The following TAFA2 variants were observed in gnomAD, a reference collection of about 807,000 sequenced individuals.
TAFA2 encodes TAFA chemokine like family member 2.
In TAFA2, 7 loss-of-function variants were observed where a neutral mutation model predicts 18.8. The observed-to-expected ratio is 0.37, with a 90% CI of 0.21 to 0.70. The LOEUF is 0.70. TAFA2 is among the 30% of genes least tolerant of loss of function. TAFA2 has a pLI of 0.53. For synonymous variants in TAFA2, 60 were observed against 54.2 expected (o/e 1.11, Z -0.47); for missense variants, 122 against 158.1 (o/e 0.77, Z 1.23).
At chr12:62,169,850 CAA>C (rs11373929) in intron 1 of TAFA2, among the ~76,000 whole-genome samples, 12 of 90,104 alleles carry the variant, frequency 1.3e-4, no homozygotes, top group Middle Eastern at 5.7e-3. Flanking sequence ...GACTCCGTCT[CAA>C]AAAAAAAAAA....
intron 2 of TAFA2, among the ~76,000 whole-genome samples, chr12:61,834,379 A>T (rs1872835509): frequency 6.6e-6 from 1 of 152,046 alleles, no homozygotes; most frequent in South Asian, 2.1e-4. Context: ...CCTTACCTGC[A>T]TATCGGCTCT....
At position 62,178,498 on chromosome 12, in the gene TAFA2, C is replaced by G. The variant is rs78868494; in HGVS notation, c.-2+12761G>C. Reference sequence around the variant, plus strand: ...AGGGTCTGAGAGTTTACCCTATTTGCAAACTCACAAGTTAGTCTACCATAT... The same window carrying G: ...AGGGTCTGAGAGTTTACCCTATTTGGAAACTCACAAGTTAGTCTACCATAT... On this transcript the variant is annotated intron_variant, in intron 1 of 4. Transcript: ENST00000416284. 2.6e-5 allele frequency among the ~76,000 whole-genome samples: 4 copies of G among 152,274 alleles called. No individual in the cohort carries two copies. In the South Asian group the frequency reaches 8.3e-4, roughly 32 times the overall value.
At chr12:62,062,340 G>A (rs3852565) in intron 1 of TAFA2, among the ~76,000 whole-genome samples, 65,499 of 152,024 alleles carry the variant, frequency 0.43, 14,714 homozygotes, top group Middle Eastern at 0.57. Context: ...CTTGCATCTG[G>A]AGGGGAACAC....
intron 1 of TAFA2, among the ~76,000 whole-genome samples, chr12:62,226,145 G>A (rs1392359653): frequency 1.3e-5 from 2 of 150,554 alleles, no homozygotes; most frequent in African/African-American, 4.9e-5. Flanking sequence ...CTTAAATGCT[G>A]TTGTGTTTTA....
intron 2 of TAFA2, among the ~76,000 whole-genome samples, chr12:61,857,753 A>G (rs12306721): frequency 0.054 from 8,238 of 151,676 alleles, 773 homozygotes; most frequent in African/African-American, 0.19. Flanking sequence ...CATAGTCTGA[A>G]GGTTCACCCC....
intron 1 of TAFA2, among the ~76,000 whole-genome samples, chr12:61,897,751 AG>A (rs1875915417): frequency 6.6e-6 from 1 of 152,094 alleles, no homozygotes; most frequent in African/African-American, 2.4e-5. Flanking sequence ...GCCAAACCAT[AG>A]CATACTGCCC....
intron 1 of TAFA2, among the ~76,000 whole-genome samples, chr12:61,895,474 C>A (rs1405565731): frequency 6.6e-6 from 1 of 152,118 alleles, no homozygotes; most frequent in East Asian, 1.9e-4. Flanking sequence ...AATGATACTC[C>A]AGGCTCTTAT....
chr12:62,195,176 C>T (rs938383838), upstream of TAFA2, among the ~76,000 whole-genome samples: 5 of 152,230 alleles, frequency 3.3e-5, no homozygotes, highest in African/African-American at 1.2e-4. Flanking sequence ...TGCAATGCTG[C>T]TTGATAGCAT....
chr12:61,715,482 G>A (rs2120560911), intron 4 of TAFA2, among the ~76,000 whole-genome samples: 1 of 151,930 alleles, frequency 6.6e-6, no homozygotes, highest in Middle Eastern at 3.4e-3. Context: ...CCGAGTAGCT[G>A]GGACCACAGG....
intron 1 of TAFA2, among the ~76,000 whole-genome samples, chr12:62,100,804 G>C (rs1480265656): frequency 6.6e-6 from 1 of 152,156 alleles, no homozygotes; most frequent in Admixed American, 6.5e-5. Flanking sequence ...TGGACTACTA[G>C]GTGAGTGGTA....
chr12:61,775,520 A>C (rs982943632), intron 2 of TAFA2, among the ~76,000 whole-genome samples: 1 of 151,896 alleles, frequency 6.6e-6, no homozygotes, highest in African/African-American at 2.4e-5. Flanking sequence ...AAATGTGTGT[A>C]ACTAAGTGAA....
intron 4 of TAFA2, among the ~76,000 whole-genome samples, chr12:61,716,231 T>G (rs533518229): frequency 4.1e-4 from 62 of 152,198 alleles, no homozygotes; most frequent in African/African-American, 1.4e-3. Context: ...TCTGCACATA[T>G]GTTACTAGTC....
At chr12:62,114,375 G>C (rs1047492744) in intron 1 of TAFA2, among the ~76,000 whole-genome samples, 3 of 152,116 alleles carry the variant, frequency 2.0e-5, no homozygotes, top group Non-Finnish European at 4.4e-5. Context: ...TAGAAATGTA[G>C]AAATCACCTA....
chr12:62,257,316 T>C (rs1464936012), intron 1 of TAFA2, among the ~76,000 whole-genome samples: 1 of 151,948 alleles, frequency 6.6e-6, no homozygotes, highest in African/African-American at 2.4e-5. Flanking sequence ...CTTTGTACTT[T>C]CTTCCATTAA....
intron 4 of TAFA2, among the ~76,000 whole-genome samples, chr12:61,737,867 C>T (rs1407355822): frequency 1.3e-5 from 2 of 151,946 alleles, no homozygotes; most frequent in African/African-American, 4.8e-5. Flanking sequence ...CTATCATTAT[C>T]CTTCACAAAG....
chr12:61,734,716 C>T (rs1375957541), intron 4 of TAFA2, among the ~76,000 whole-genome samples: 1 of 151,894 alleles, frequency 6.6e-6, no homozygotes, highest in East Asian at 1.9e-4. Context: ...ATCCCAGTTC[C>T]ACTGCTTACT....
rs76417915 is a variant in TAFA2, at chr12:61,764,234, A to T, written c.107-9210T>A. ...ATTTTAGATTAGATGATTGATTGAT[A>T]GATAGATAGATAGATAGATAGATAG... On this transcript the variant is annotated intron_variant, in intron 2 of 4. Coordinates refer to ENST00000416284, the MANE Select transcript of TAFA2 (RefSeq NM_178539.5). 4.0e-4 allele frequency among the ~76,000 whole-genome samples: 15 copies of T among 37,336 alleles called. No individual in the cohort carries two copies. In the South Asian group the frequency reaches 0.011, roughly 26 times the overall value. The allele number at this position is 37,336 out of a possible 152,430, so 24.5% of individuals were successfully genotyped here. A position where few individuals can be genotyped will look rare whatever the true frequency, so the allele number is the denominator to read the frequency against.
At chr12:61,923,364 C>T (rs971016415) in intron 1 of TAFA2, among the ~76,000 whole-genome samples, 2 of 152,150 alleles carry the variant, frequency 1.3e-5, no homozygotes, top group African/African-American at 4.8e-5. Flanking sequence ...TGGCAGGTCC[C>T]CCTCTGGGAT....
chr12:61,958,179 C>T (rs1475921943), intron 1 of TAFA2, among the ~76,000 whole-genome samples: 1 of 152,058 alleles, frequency 6.6e-6, no homozygotes, highest in Non-Finnish European at 1.5e-5. Flanking sequence ...TATTAATCTT[C>T]CATTTCTCTC....
Sources: gnomAD v4.1 joint callset for allele counts (sites outside exome capture counted in the v4.1 genomes callset) on GRCh38, gnomAD v4.1.1 for gene constraint, MANE v1.5 for transcripts, NCBI Gene and HGNC (gene_info 2026-07-23, HGNC 2026-07-21) for gene names.